The following SLC2A9 variants were observed in gnomAD, a reference collection of about 807,000 sequenced individuals.
SLC2A9 encodes the protein solute carrier family 2, facilitated glucose transporter member 9.
In SLC2A9, 39 loss-of-function variants were observed where a neutral mutation model predicts 50.6. The ratio of observed to expected loss-of-function variants is 0.77; its 90% CI spans 0.60 to 1.01. The LOEUF (loss-of-function observed/expected upper bound fraction) is 1.01. SLC2A9 is among the 50% of genes least tolerant of loss of function. The pLI is 0.00. For synonymous variants in SLC2A9, 324 were observed against 276.9 expected (o/e 1.17, Z -1.69); for missense variants, 686 against 677.6 (o/e 1.01, Z -0.14).
chr4:9,892,028 A>G (rs1241390021), intron 8 of SLC2A9, among the ~76,000 whole-genome samples: 1 of 152,134 alleles, frequency 6.6e-6, no homozygotes, highest in African/African-American at 2.4e-5. Flanking sequence ...AGCTGCAGGG[A>G]CCCCAGTGCC....
At chr4:9,997,060 T>C in intron 2 of SLC2A9, 119 bp from the exon 3 acceptor site, 1 of 1,204,998 alleles carries the variant, frequency 8.3e-7, no homozygotes, top group Non-Finnish European at 1.2e-6. Context: ...ACTTTGCTAA[T>C]TTGTTTGAGC....
chr4:9,918,523 C>G (rs1245614503), intron 7 of SLC2A9, among the ~76,000 whole-genome samples: 1 of 152,236 alleles, frequency 6.6e-6, no homozygotes, highest in Non-Finnish European at 1.5e-5. Flanking sequence ...GGCCAGATAG[C>G]TAGGGCTCAA....
At chr4:9,873,307 A>G (rs1318608222) in intron 10 of SLC2A9, among the ~76,000 whole-genome samples, 1 of 152,158 alleles carries the variant, frequency 6.6e-6, no homozygotes, top group Non-Finnish European at 1.5e-5. Context: ...TTATTTGTGG[A>G]ATGGGGGTAA....
intron 10 of SLC2A9, among the ~76,000 whole-genome samples, chr4:9,886,351 C>T (rs1006801836): frequency 2.6e-5 from 4 of 151,938 alleles, no homozygotes; most frequent in African/African-American, 9.7e-5. Context: ...TGTGTTCATC[C>T]TCTAATTCGC....
At chr4:9,936,926 A>G (rs1747192845) in intron 6 of SLC2A9, among the ~76,000 whole-genome samples, 1 of 152,244 alleles carries the variant, frequency 6.6e-6, no homozygotes, top group South Asian at 2.1e-4. Flanking sequence ...CAAGAGCAAC[A>G]GAACTGGTCC....
chr4:9,822,563 A>G (rs930349174), downstream of SLC2A9, among the ~76,000 whole-genome samples: 3 of 152,114 alleles, frequency 2.0e-5, no homozygotes, highest in African/African-American at 7.2e-5. Context: ...CTTTTAACCT[A>G]TCTATATCAT....
chr4:9,909,973 T>C (rs1427232203), intron 7 of SLC2A9, among the ~76,000 whole-genome samples: 4 of 152,256 alleles, frequency 2.6e-5, no homozygotes, highest in Admixed American at 2.0e-4. Flanking sequence ...ATCTGTTTTA[T>C]TGCCAGATGT....
intron 2 of SLC2A9, among the ~76,000 whole-genome samples, chr4:10,003,463 T>G (rs1310684558): frequency 6.6e-6 from 1 of 152,136 alleles, no homozygotes; most frequent in Non-Finnish European, 1.5e-5. Context: ...CGTTGGGAAA[T>G]GGCTGACAGA....
rs531284693 is a variant in SLC2A9, at chr4:10,009,083, T to C, written c.249+9892A>G. Among the ~76,000 whole-genome samples, 4 of 152,128 alleles carry C rather than the reference T, an allele frequency of 2.6e-5. No homozygotes were observed. The South Asian group carries it at 6.2e-4, about 24-fold the overall frequency. ...TTCTGCAGTGACACAATGCACAGGG[T>C]CCTCCTGTAATCTCAGCCCTCTTCC... is the stretch of plus-strand genomic sequence containing the variant. On this transcript the variant is annotated intron_variant, in intron 2 of 11. Transcript: ENST00000264784.
At chr4:9,904,341 C>A (rs1740231351) in intron 8 of SLC2A9, among the ~76,000 whole-genome samples, 1 of 152,198 alleles carries the variant, frequency 6.6e-6, no homozygotes, top group African/African-American at 2.4e-5. Flanking sequence ...CATCTGCATT[C>A]CTGGGCGTGT....
rs1188736332 is a variant in SLC2A9 at position 9,843,037 on chromosome 4, AG to A, written c.1292-8030del. Among the ~76,000 whole-genome samples, 11 of 152,076 alleles carry A rather than the reference AG, an allele frequency of 7.2e-5. No homozygotes were observed. The East Asian group carries it at 1.9e-3, about 27-fold the overall frequency. ...ACACATCTCAGAGTTACCCAGTCTG[AG>A]GGGTAGGAGGGCTGGATTATTTATC... On this transcript the variant is annotated intron_variant, in intron 10 of 11. Coordinates refer to ENST00000264784, the MANE Select transcript of SLC2A9 (RefSeq NM_020041.3).
chr4:9,867,926 C>G (rs954833798), intron 10 of SLC2A9, among the ~76,000 whole-genome samples: 7 of 152,332 alleles, frequency 4.6e-5, no homozygotes, highest in South Asian at 4.1e-4. Flanking sequence ...GTGCCCCCCC[C>G]ACCCGAGGCC....
intron 6 of SLC2A9, among the ~76,000 whole-genome samples, chr4:9,921,540 C>T (rs1743962257): frequency 6.6e-6 from 1 of 152,230 alleles, no homozygotes; most frequent in South Asian, 2.1e-4. Flanking sequence ...AAACATGGCT[C>T]CGCCCCTCAG....
intron 10 of SLC2A9, among the ~76,000 whole-genome samples, chr4:9,841,130 C>T (rs950309): frequency 0.17 from 25,438 of 152,098 alleles, 3,072 homozygotes; most frequent in African/African-American, 0.34. Flanking sequence ...TTTCCTATAG[C>T]AACTTTTTGT....
intron 3 of SLC2A9, among the ~76,000 whole-genome samples, chr4:9,793,341 T>C (rs1198214326): frequency 6.6e-6 from 1 of 152,140 alleles, no homozygotes; most frequent in Non-Finnish European, 1.5e-5. Context: ...GAAGTCCAGG[T>C]CTCCCAACTC....
intron 1 of SLC2A9, among the ~76,000 whole-genome samples, chr4:10,027,651 C>G (rs972611031): frequency 6.6e-6 from 1 of 152,100 alleles, no homozygotes; most frequent in Non-Finnish European, 1.5e-5. Flanking sequence ...TGGTGGCAGC[C>G]TCCTGAGTCT....
exon 4 of SLC2A9, chr4:9,799,102 G>A (rs1720972886): frequency 6.6e-6 from 1 of 152,118 alleles, no homozygotes; most frequent in Non-Finnish European, 1.5e-5. Flanking sequence ...CATAAGTGCA[G>A]GTAAGCAAGA....
At chr4:9,826,114 T>C (rs75815764), downstream of SLC2A9, 1,517 of 414,362 alleles carry the variant, frequency 3.7e-3, 22 homozygotes, top group African/African-American at 0.028. Flanking sequence ...AGGCAGGTCA[T>C]CTACCTATAT....
chr4:9,793,164 C>G (rs532627504), intron 3 of SLC2A9, among the ~76,000 whole-genome samples: 1 of 152,318 alleles, frequency 6.6e-6, no homozygotes, highest in African/African-American at 2.4e-5. Flanking sequence ...TGAACAGAAA[C>G]GGCCACTATA....
Sources: allele counts gnomAD v4.1 joint callset (sites outside exome capture counted in the v4.1 genomes callset), GRCh38; gene constraint gnomAD v4.1.1; transcripts MANE v1.5; gene names NCBI Gene and HGNC (gene_info 2026-07-23, HGNC 2026-07-21).